The following TRAPPC3L variants were observed in gnomAD, a reference collection of about 807,000 sequenced individuals.
TRAPPC3L encodes trafficking protein particle complex subunit 3L, also known as trafficking protein particle complex subunit 3-like protein.
In TRAPPC3L, 23 loss-of-function variants were observed where a neutral mutation model predicts 23.7. The ratio of observed to expected loss-of-function variants is 0.97; its 90% CI spans 0.70 to 1.37. TRAPPC3L has a LOEUF of 1.37. Among genes scored for constraint, TRAPPC3L ranks in the 40% most tolerant of loss-of-function variants. The pLI is 0.00. For synonymous variants in TRAPPC3L, 81 were observed against 77.9 expected, an observed-to-expected ratio of 1.04 and a Z score of -0.21; for missense variants, 212 against 216.8, an observed-to-expected ratio of 0.98 and a Z score of 0.14.
intron 3 of TRAPPC3L, chr6:116,511,809 C>A: frequency 1.2e-6 from 2 of 1,614,066 alleles, no homozygotes. Context: ...TCTGTTGTGG[C>A]TTTTAAGTGC....
chr6:116,501,604 T>A (rs773066393), intron 3 of TRAPPC3L, among the ~76,000 whole-genome samples: 22 of 152,144 alleles, frequency 1.4e-4, no homozygotes, highest in Non-Finnish European at 3.1e-4. Flanking sequence ...CTGGGAGACA[T>A]CTCCCCGTGG....
At chr6:116,533,773 C>G (rs541341606) in intron 3 of TRAPPC3L, among the ~76,000 whole-genome samples, 1 of 152,316 alleles carries the variant, frequency 6.6e-6, no homozygotes, top group African/African-American at 2.4e-5. Flanking sequence ...TCTAGCGTGC[C>G]TTTTGTTGGC....
intron 3 of TRAPPC3L, chr6:116,523,199 A>G (rs2115175589): frequency 6.6e-6 from 1 of 152,188 alleles, no homozygotes; most frequent in African/African-American, 2.4e-5. Flanking sequence ...GATCTACTGA[A>G]TCGGTCATCA....
At chr6:116,530,902 C>CATATATAT (rs10557481) in intron 3 of TRAPPC3L, among the ~76,000 whole-genome samples, 36 of 76,480 alleles carry the variant, frequency 4.7e-4, no homozygotes, top group Non-Finnish European at 6.7e-4. Flanking sequence ...AAGTGAGACT[C>CATATATAT]ATATATATAT....
chr6:116,506,737 C>T (rs547316076), intron 3 of TRAPPC3L, among the ~76,000 whole-genome samples: 8 of 152,202 alleles, frequency 5.3e-5, no homozygotes, highest in Admixed American at 3.9e-4. Context: ...AGCTGGAAAC[C>T]GTCATTCTCA....
At position 116,540,541 on chromosome 6, in the gene TRAPPC3L, G is replaced by T. The variant is rs143949942; in HGVS notation, c.141-79C>A. On this transcript the variant is annotated intron_variant, in intron 2 of 4. Transcript: ENST00000368602. ...TGTCAGTTTTTAAGAAGCGATTTGT[G>T]TGTTTAGCACTTGTGCAAGTGAATC... The T allele has an allele frequency of 2.2e-3, 3,086 of 1,401,992 alleles. 64 individuals are homozygous for T. The Admixed American group carries it at 0.027, about 12-fold the overall frequency. The allele number at this position is 1,401,992 out of a possible 1,614,324, so 86.8% of individuals were successfully genotyped here.
At chr6:116,537,084 C>T (rs1409868298) in intron 3 of TRAPPC3L, among the ~76,000 whole-genome samples, 1 of 152,108 alleles carries the variant, frequency 6.6e-6, no homozygotes, top group African/African-American at 2.4e-5. Flanking sequence ...TAAAAATGAT[C>T]AAGAGGAAGG....
At chr6:116,537,274 A>C (rs1773158885) in intron 3 of TRAPPC3L, among the ~76,000 whole-genome samples, 1 of 152,218 alleles carries the variant, frequency 6.6e-6, no homozygotes, top group Non-Finnish European at 1.5e-5. Flanking sequence ...AGAATGGTTG[A>C]TAAGACATGA....
chr6:116,543,863 C>G lies in TRAPPC3L; in HGVS notation c.43-463G>C, dbSNP rs1334744594. ...ACCTTCAGGATAAACCCAAATGTAGCAGCAAATTTGTGAGTTTCTTTTCTT... is the reference window on the plus strand; with the variant it reads ...ACCTTCAGGATAAACCCAAATGTAGGAGCAAATTTGTGAGTTTCTTTTCTT... On this transcript the variant is annotated intron_variant, in intron 1 of 4. Coordinates refer to ENST00000368602, the MANE Select transcript of TRAPPC3L (RefSeq NM_001139444.3). 3 of 1,533,096 alleles carry G rather than the reference C, an allele frequency of 2.0e-6. No individual in the cohort carries two copies. In the South Asian group the frequency reaches 3.6e-5, roughly 18 times the overall value. 95.0% of individuals were successfully genotyped at this position (1,533,096 alleles called of 1,614,324 possible).
intron 2 of TRAPPC3L, among the ~76,000 whole-genome samples, chr6:116,541,745 A>G (rs931241142): frequency 3.9e-5 from 6 of 152,200 alleles, no homozygotes; most frequent in Non-Finnish European, 5.9e-5. Context: ...GTGTTTTCTA[A>G]TTCTCACTTT....
In TRAPPC3L at chr6:116,527,081, G is replaced by A. The variant is rs34840541; in HGVS notation, c.240+13282C>T. On this transcript the variant is annotated intron_variant, in intron 3 of 4. Coordinates refer to ENST00000368602, the MANE Select transcript of TRAPPC3L (RefSeq NM_001139444.3). ...TTAACATCAAGGAGGGACAATTGAG[G>A]CTGAGAGGATTCTGTACAGATTTTA... 3.3e-5 allele frequency among the ~76,000 whole-genome samples: 5 copies of A among 152,254 alleles called. No homozygotes were observed. The South Asian group carries it at 1.0e-3, about 32-fold the overall frequency.
chr6:116,511,576 G>GGATT, intron 3 of TRAPPC3L: 1 of 849,286 alleles, frequency 1.2e-6, no homozygotes, highest in South Asian at 1.7e-5. Flanking sequence ...TCCTTATCTG[G>GGATT]CTCAATTCAG....
intron 2 of TRAPPC3L, among the ~76,000 whole-genome samples, chr6:116,542,781 C>A (rs1443604205): frequency 6.6e-6 from 1 of 152,036 alleles, no homozygotes. Flanking sequence ...AAAAAACATT[C>A]AAACAATAAA....
intron 3 of TRAPPC3L, among the ~76,000 whole-genome samples, chr6:116,509,276 A>T (rs1383827802): frequency 1.3e-5 from 2 of 152,192 alleles, no homozygotes; most frequent in African/African-American, 2.4e-5. Context: ...TTCCCAAAGC[A>T]ATCTACAGAT....
chr6:116,531,888 T>A (rs1046164157), intron 3 of TRAPPC3L, among the ~76,000 whole-genome samples: 21 of 149,614 alleles, frequency 1.4e-4, no homozygotes, highest in Non-Finnish European at 2.7e-4. Context: ...TTAATTTATA[T>A]TTAATTTTAA....
intron 3 of TRAPPC3L, among the ~76,000 whole-genome samples, chr6:116,501,575 T>C (rs947404953): frequency 2.6e-5 from 4 of 152,232 alleles, no homozygotes; most frequent in Non-Finnish European, 5.9e-5. Flanking sequence ...AGTGGGTCCA[T>C]GACCCCCATG....
intron 1 of TRAPPC3L, among the ~76,000 whole-genome samples, chr6:116,544,579 A>C (rs1287890010): frequency 6.6e-6 from 1 of 152,156 alleles, no homozygotes; most frequent in Non-Finnish European, 1.5e-5. Flanking sequence ...ATCATTAACT[A>C]TTTCAGTAGG....
intron 3 of TRAPPC3L, chr6:116,518,387 T>C (rs1303883865): frequency 3.3e-5 from 5 of 152,134 alleles, no homozygotes; most frequent in African/African-American, 1.2e-4. Context: ...CAGTGTTGAG[T>C]GTGAATGTCA....
chr6:116,497,766 T>C (rs1345183727), intron 4 of TRAPPC3L, among the ~76,000 whole-genome samples: 2 of 152,166 alleles, frequency 1.3e-5, no homozygotes, highest in African/African-American at 4.8e-5. Flanking sequence ...CAATAGTGTA[T>C]TTGTTCAGAG....
Sources: allele counts gnomAD v4.1 joint callset (sites outside exome capture counted in the v4.1 genomes callset), GRCh38; gene constraint gnomAD v4.1.1; transcripts MANE v1.5; gene names NCBI Gene and HGNC (gene_info 2026-07-23, HGNC 2026-07-21).